Variants in COQ5 observed in about 807,000 individuals in gnomAD.
COQ5 encodes the protein 2-methoxy-6-polyprenyl-1,4-benzoquinol methylase, mitochondrial.
COQ5 carries 27 observed loss-of-function variants against 40.5 expected under a neutral mutation model. The observed-to-expected ratio is 0.67, with a 90% confidence interval of 0.49 to 0.92. COQ5 has a LOEUF of 0.92. COQ5 is among the 40% of genes least tolerant of loss of function. COQ5 has a pLI of 0.00. For missense variants in COQ5, 409 were observed against 406.4 expected (o/e 1.01, Z -0.06); for synonymous variants, 141 against 150.0 (o/e 0.94, Z 0.44).
intron 4 of COQ5, among the ~76,000 whole-genome samples, chr12:120,509,394 A>C (rs1201263041): frequency 6.6e-6 from 1 of 152,168 alleles, no homozygotes; most frequent in African/African-American, 2.4e-5. Context: ...CATCAGATTA[A>C]GAGCTGAACG....
In COQ5 at chr12:120,522,702, C is replaced by A. The variant is rs183037017; in HGVS notation, c.203-339G>T. On this transcript the variant is annotated intron_variant, in intron 1 of 6. Coordinates refer to ENST00000288532, the MANE Select transcript of COQ5 (RefSeq NM_032314.4). ...GTAGGTGTCCGGGCACCTTTGGGAG[C>A]CTAAGCTGGAGCTGCAGCCTGGGCC... 7 of 654,772 alleles carry A rather than the reference C, an allele frequency of 1.1e-5. No individual in the cohort carries two copies. The East Asian group carries it at 1.8e-4, about 16-fold the overall frequency. The allele number at this position is 654,772 out of a possible 1,614,324, so 40.6% of individuals were successfully genotyped here.
At chr12:120,515,036 C>A (rs770964051) in intron 3 of COQ5, among the ~76,000 whole-genome samples, 8 of 151,844 alleles carry the variant, frequency 5.3e-5, no homozygotes, top group Non-Finnish European at 1.2e-4. Context: ...AGGGGATCCA[C>A]CCCCCCTCGG....
At chr12:120,517,943 G>A (rs142076560) in intron 2 of COQ5, among the ~76,000 whole-genome samples, 3,692 of 151,926 alleles carry the variant, frequency 0.024, 153 homozygotes, top group African/African-American at 0.084. Context: ...AAGTGGCTGG[G>A]ATCACAGGCA....
chr12:120,504,408 A>ATTTTT (rs33973905), intron 5 of COQ5, among the ~76,000 whole-genome samples: 1 of 111,046 alleles, frequency 9.0e-6, no homozygotes, highest in Non-Finnish European at 1.8e-5. Context: ...CCTGATTTAA[A>ATTTTT]TTTTTTTTTT....
In COQ5 at chr12:120,529,125, C is replaced by A. The variant is rs747756052; in HGVS notation, c.17G>T (p.Ser6Ile). The change falls in exon 1 of 7, where the codon AGC (serine) becomes ATC (isoleucine). Residue 6 changes from serine to isoleucine, a missense_variant. By Grantham distance (142) the Ser-to-Ile change is moderately radical. Transcript: ENST00000288532. ...GCCGCAATAGCTCCATAGAGCACAGCTCCCGGGGGCCGCCATCTTGGTAGT... is the reference window on the plus strand; with the variant it reads ...GCCGCAATAGCTCCATAGAGCACAGATCCCGGGGGCCGCCATCTTGGTAGT... MAAPG[S>I]CALWSYCGRG... The A allele has an allele frequency of 8.1e-6, 13 of 1,613,730 alleles. No homozygotes were observed. The highest frequency in any genetic ancestry group is 1.7e-5 in the Admixed American group (1 of 59,978).
At chr12:120,528,537 G>A (rs1870072000) in intron 1 of COQ5, among the ~76,000 whole-genome samples, 4 of 152,226 alleles carry the variant, frequency 2.6e-5, no homozygotes, top group Middle Eastern at 3.4e-3. Context: ...CTGGCTGGGC[G>A]CGGTGGCTCA....
At chr12:120,512,346 T>C (rs1304495162) in intron 3 of COQ5, among the ~76,000 whole-genome samples, 2 of 152,336 alleles carry the variant, frequency 1.3e-5, no homozygotes, top group African/African-American at 2.4e-5. Flanking sequence ...CTCATGCCTG[T>C]AACCCCAGCA....
chr12:120,526,698 A>ATTTTTTTTTTTTTC (rs1869961446), intron 1 of COQ5, among the ~76,000 whole-genome samples: 1 of 64,088 alleles, frequency 1.6e-5, no homozygotes, highest in African/African-American at 8.2e-5. Flanking sequence ...ACTCTTGGCA[A>ATTTTTTTTTTTTTC]TTTTTTTTTT....
At chr12:120,508,740 T>C (rs1868994335) in intron 4 of COQ5, among the ~76,000 whole-genome samples, 1 of 152,040 alleles carries the variant, frequency 6.6e-6, no homozygotes, top group Non-Finnish European at 1.5e-5. Context: ...TAAAAAATTT[T>C]TTTCCCCAGG....
intron 4 of COQ5, among the ~76,000 whole-genome samples, 164 bp from the exon 5 acceptor site, chr12:120,505,147 C>A (rs1042286327): frequency 2.6e-5 from 4 of 152,210 alleles, no homozygotes; most frequent in Non-Finnish European, 4.4e-5. Context: ...AATAACCCTA[C>A]GTATCCCAAA....
Position 120,528,929 on chromosome 12 carries a change from G to T in COQ5, c.202+11C>A. 1 of 1,612,758 alleles carries T rather than the reference G, an allele frequency of 6.2e-7. No homozygotes were observed. Among genetic ancestry groups the T allele is most frequent in the Non-Finnish European group, 8.5e-7 (1 of 1,179,090 alleles). The stretch of plus-strand genomic sequence containing the variant: ...TCAGATCCCTCCCATCCGCCCTCTC[G>T]CCCCTTTCACCTTTGCCCCCCTTCT... On this transcript the variant is annotated intron_variant, in intron 1 of 6. Coordinates refer to ENST00000288532, the MANE Select transcript of COQ5 (RefSeq NM_032314.4).
intron 1 of COQ5, chr12:120,526,756 C>T (rs1380199683): frequency 1.0e-5 from 2 of 194,080 alleles, no homozygotes; most frequent in African/African-American, 3.6e-5. Context: ...GCTCTGTCGC[C>T]CAGGCTGGAG....
chr12:120,505,688 C>G (rs1868849440), intron 4 of COQ5, among the ~76,000 whole-genome samples: 1 of 151,830 alleles, frequency 6.6e-6, no homozygotes, highest in Admixed American at 6.6e-5. Context: ...TCCCGAGTAG[C>G]TAGGATTACA....
intron 2 of COQ5, among the ~76,000 whole-genome samples, chr12:120,518,523 T>C (rs909532165): frequency 2.6e-5 from 4 of 151,738 alleles, no homozygotes; most frequent in Non-Finnish European, 4.4e-5. Context: ...TCCAACCAAT[T>C]AGGTATTCTC....
Position 120,503,356 on chromosome 12 carries a change from TC to T in COQ5, c.*427del. Reference sequence around the variant, plus strand: ...TACTCTGACTTGGGCCTAGACTTCGTCCTAGGCTGAAAGGTTGATTCAGGTA... The same window carrying T: ...TACTCTGACTTGGGCCTAGACTTCGTCTAGGCTGAAAGGTTGATTCAGGTA... On this transcript the variant is annotated 3_prime_UTR_variant, in exon 7 of 7. Coordinates refer to ENST00000288532, the MANE Select transcript of COQ5 (RefSeq NM_032314.4). The T allele has an allele frequency of 8.3e-6, 3 of 360,704 alleles. No individual in the cohort carries two copies. The highest frequency in any genetic ancestry group is 6.3e-5 in the South Asian group (3 of 47,260). The allele number at this position is 360,704 out of a possible 1,614,324, so 22.3% of individuals were successfully genotyped here.
chr12:120,529,036 C>T lies in COQ5; in HGVS notation c.106G>A (p.Asp36Asn). The T allele has an allele frequency of 6.2e-7, 1 of 1,614,100 alleles. No homozygotes were observed. Among genetic ancestry groups the T allele is most frequent in the East Asian group, 2.2e-5 (1 of 44,878 alleles). The change falls in exon 1 of 7, where the codon GAC becomes AAC. Residue 36 changes from aspartate (D) to asparagine (N), a missense_variant. Physicochemically the swap from Asp to Asn is conservative, Grantham distance 23. Transcript: ENST00000288532. ...GACAAGAGCCGAGCACTTAGTAGGTCCCCGGGCCAAGAGCTACGAAGCCCG... is the reference window on the plus strand; with the variant it reads ...GACAAGAGCCGAGCACTTAGTAGGTTCCCGGGCCAAGAGCTACGAAGCCCG... ...LLGLRSSWPG[D>N]LLSARLLSQE...
Position 120,528,949 on chromosome 12 carries a change from C to G in COQ5, c.193G>C (p.Gly65Arg), listed in dbSNP as rs997985890. 1.9e-6 allele frequency: 3 copies of G among 1,614,168 alleles called. No homozygotes were observed. The highest frequency in any genetic ancestry group is 2.2e-5 in the South Asian group (2 of 91,078). The change falls in exon 1 of 7, where the codon GGG becomes CGG. Residue 65 changes from glycine (G) to arginine (R), a missense_variant. By Grantham distance (125) the Gly-to-Arg change is moderately radical. Coordinates refer to ENST00000288532, the MANE Select transcript of COQ5 (RefSeq NM_032314.4). ...GFETVSEEEK[G>R]GKVYQVFESV... The stretch of plus-strand genomic sequence containing the variant: ...CTCTCGCCCCTTTCACCTTTGCCCC[C>G]CTTCTCCTCTTCCGACACAGTCTCA...
At chr12:120,524,799 A>G (rs1184114655) in intron 1 of COQ5, among the ~76,000 whole-genome samples, 1 of 151,598 alleles carries the variant, frequency 6.6e-6, no homozygotes, top group Non-Finnish European at 1.5e-5. Context: ...TCGGATTTCC[A>G]AGTGCGCTCT....
intron 2 of COQ5, among the ~76,000 whole-genome samples, chr12:120,518,288 G>C (rs1192338066): frequency 2.0e-5 from 3 of 151,998 alleles, no homozygotes; most frequent in Non-Finnish European, 4.4e-5. Flanking sequence ...AATTAGCCAG[G>C]TGTGGGGCAC....
Sources: gnomAD v4.1 joint callset for allele counts (sites outside exome capture counted in the v4.1 genomes callset) on GRCh38, gnomAD v4.1.1 for gene constraint, MANE v1.5 for transcripts, NCBI Gene and HGNC (gene_info 2026-07-23, HGNC 2026-07-21) for gene names.